SI: variants seen among roughly 807,000 people sequenced by gnomAD.
SI encodes the protein sucrase-isomaltase, intestinal.
In SI, 235 loss-of-function variants were observed where a neutral mutation model predicts 253.3. The observed-to-expected ratio is 0.93, with a 90% CI of 0.83 to 1.03. The LOEUF is 1.03. SI is among the 50% of genes least tolerant of loss of function. The probability of loss-of-function intolerance (pLI) is 0.00; values close to 1 mark genes in which losing one functional copy is unlikely to be tolerated. For missense variants in SI, 2,442 were observed against 2,211.1 expected (o/e 1.10, Z -2.09); for synonymous variants, 819 against 712.0 (o/e 1.15, Z -2.39).
Position 165,049,918 on chromosome 3 carries a change from A to T in SI, c.1513-43T>A, listed in dbSNP as rs751690744. ...GAAGAACAGCAGATTTTACATAATT[A>T]TAAATCCTATTAGCAGAAACTCTCT... On this transcript the variant is annotated intron_variant, in intron 13 of 47. Transcript: ENST00000264382. 6 of 1,194,786 alleles carry T rather than the reference A, an allele frequency of 5.0e-6. No homozygotes were observed. In the African/African-American group the frequency reaches 6.0e-5, roughly 12 times the overall value. 74.0% of individuals were successfully genotyped at this position (1,194,786 alleles called of 1,614,324 possible). A position where few individuals can be genotyped will look rare whatever the true frequency, so the allele number is the denominator to read the frequency against.
At chr3:165,054,480 C>T (rs1050832649) in intron 13 of SI, among the ~76,000 whole-genome samples, 2 of 151,980 alleles carry the variant, frequency 1.3e-5, no homozygotes, top group Non-Finnish European at 2.9e-5. Flanking sequence ...TCAAGCAATT[C>T]TTCTGCCTCA....
intron 37 of SI, among the ~76,000 whole-genome samples, chr3:165,000,621 C>T (rs1212154296): frequency 2.0e-5 from 3 of 151,256 alleles, no homozygotes; most frequent in Non-Finnish European, 4.4e-5. Flanking sequence ...ATAATTTTCT[C>T]TTAAGGGAAT....
At chr3:164,989,174 C>T (rs191378622) in intron 44 of SI, among the ~76,000 whole-genome samples, 110 of 150,154 alleles carry the variant, frequency 7.3e-4, no homozygotes, top group African/African-American at 2.6e-3. Flanking sequence ...GATGAAACTC[C>T]GTCTCTACTA....
chr3:165,062,336 C>G lies in SI; in HGVS notation c.1020+35G>C, dbSNP rs1714027206. ...TCATGTTAGATGAAATAAAAGTATG[C>G]AGAAAAAATTTTATAAAATAGACCT... On this transcript the variant is annotated intron_variant, in intron 9 of 47. Transcript: ENST00000264382. 6.7e-6 allele frequency: 7 copies of G among 1,042,888 alleles called. No homozygotes were observed. The East Asian group carries it at 1.7e-4, about 25-fold the overall frequency. The allele number at this position is 1,042,888 out of a possible 1,614,324, so 64.6% of individuals were successfully genotyped here.
intron 45 of SI, 85 bp from the exon 46 acceptor site, chr3:164,983,136 C>A: frequency 7.5e-7 from 1 of 1,326,158 alleles, no homozygotes; most frequent in Non-Finnish European, 1.0e-6. Flanking sequence ...CTTCTCTTTC[C>A]CAGTATAAAA....
chr3:165,015,285 C>T (rs1375137294), intron 32 of SI, 52 bp from the exon 33 acceptor site: 2 of 1,216,706 alleles, frequency 1.6e-6, no homozygotes, highest in African/African-American at 1.5e-5. Context: ...AGCGTAACTA[C>T]TTGGACAGTG....
intron 4 of SI, 70 bp from the exon 5 acceptor site, chr3:165,068,901 T>C (rs1484239510): frequency 9.0e-7 from 1 of 1,111,158 alleles, no homozygotes; most frequent in Non-Finnish European, 1.4e-6. Context: ...AATATATTTA[T>C]GTTATTGTAT....
chr3:165,031,633 G>A (rs1455198562), intron 24 of SI, among the ~76,000 whole-genome samples: 3 of 149,722 alleles, frequency 2.0e-5, no homozygotes, highest in African/African-American at 7.3e-5. Flanking sequence ...CTGGGCCAGA[G>A]GTCTTATGAG....
At chr3:165,009,765 G>A (rs1436501712) in intron 34 of SI, among the ~76,000 whole-genome samples, 1 of 152,128 alleles carries the variant, frequency 6.6e-6, no homozygotes. Flanking sequence ...AAGGGCCATA[G>A]TATAAAGCCT....
In SI at chr3:165,069,183, G is replaced by T. The variant is rs781497890; in HGVS notation, c.268C>A (p.Gln90Lys). The T allele has an allele frequency of 5.6e-6, 9 of 1,607,472 alleles. No individual in the cohort carries two copies. Among genetic ancestry groups the T allele is most frequent in the Non-Finnish European group, 7.7e-6 (9 of 1,174,202 alleles). Residue 90 changes from glutamine to lysine, a missense_variant, in exon 4 of 48, where the codon CAG (glutamine) becomes AAG (lysine). Physicochemically the swap from Gln to Lys is moderately conservative, Grantham distance 53. Transcript: ENST00000264382. ...CACGGCCTCCAGCAGCAGCCTCTCT[G>T]TGCACAAATTCCCTGATAAAATATT... ...EQFPTEGICAQRGCCWRPWND... is the reference protein window; with the variant it reads ...EQFPTEGICAKRGCCWRPWND...
chr3:164,985,190 A>T (rs1171661842), intron 45 of SI, among the ~76,000 whole-genome samples: 1 of 152,188 alleles, frequency 6.6e-6, no homozygotes, highest in Non-Finnish European at 1.5e-5. Flanking sequence ...GTTGGATAGG[A>T]GGAGCTGGAG....
chr3:165,011,703 TTTA>T (rs1222314464), intron 34 of SI, among the ~76,000 whole-genome samples: 1 of 149,894 alleles, frequency 6.7e-6, no homozygotes, highest in Non-Finnish European at 1.5e-5. Context: ...TTATTATTTA[TTTA>T]TTATTGTTCT....
chr3:165,047,015 A>G lies in SI; in HGVS notation c.1716-3T>C, dbSNP rs768911081. 6 of 1,585,270 alleles carry G rather than the reference A, an allele frequency of 3.8e-6. No individual in the cohort carries two copies. In the Middle Eastern group the frequency reaches 5.0e-4, roughly 133 times the overall value. On this transcript the variant is annotated splice_region_variant and splice_polypyrimidine_tract_variant and intron_variant, in intron 15 of 47. Transcript: ENST00000264382. ...TAGGAAAAACTTTTTGTACAGCTCT[A>G]AAAATAAAACCAAATTAACAAATAC...
At chr3:165,067,259 A>G in intron 6 of SI, 81 bp downstream of exon 6, 1 of 1,078,862 alleles carries the variant, frequency 9.3e-7, no homozygotes, top group Non-Finnish European at 1.3e-6. Context: ...ATTTATTTCT[A>G]CTGAAAATGT....
At chr3:164,991,303 G>C (rs752722497) in intron 44 of SI, 50 bp downstream of exon 44, 1 of 1,603,338 alleles carries the variant, frequency 6.2e-7, no homozygotes, top group Non-Finnish European at 8.5e-7. Context: ...AACAATGCTA[G>C]CATGATGTAT....
At chr3:165,068,943 A>G (rs2108100518) in intron 4 of SI, 112 bp from the exon 5 acceptor site, 6 of 979,692 alleles carry the variant, frequency 6.1e-6, no homozygotes, top group Non-Finnish European at 8.0e-6. Context: ...TAAATTTGTT[A>G]CAATCATGCA....
At chr3:165,017,733 T>A (rs745541149) in intron 30 of SI, 28 bp downstream of exon 30, 2 of 1,597,750 alleles carry the variant, frequency 1.3e-6, no homozygotes, top group Admixed American at 1.7e-5. Context: ...AAATTTTTAA[T>A]TTTTTTAAAA....
chr3:165,006,733 G>C lies in SI; in HGVS notation c.4406+83C>G. The C allele has an allele frequency of 4.2e-6, 5 of 1,198,012 alleles. No homozygotes were observed. The South Asian group carries it at 6.2e-5, about 15-fold the overall frequency. 74.2% of individuals were successfully genotyped at this position (1,198,012 alleles called of 1,614,324 possible). A position where few individuals can be genotyped will look rare whatever the true frequency, so the allele number is the denominator to read the frequency against. The stretch of plus-strand genomic sequence containing the variant: ...AAGTAAAGAGATACAAGAGAAGATT[G>C]TCGGGACTGTTAAAATGATAACATT... On this transcript the variant is annotated intron_variant, in intron 37 of 47. Transcript: ENST00000264382.
intron 5 of SI, among the ~76,000 whole-genome samples, chr3:165,068,316 A>G (rs957109201): frequency 1.3e-5 from 2 of 152,208 alleles, no homozygotes; most frequent in African/African-American, 4.8e-5. Context: ...GCACACTATT[A>G]TTATTCGTAT....
Sources: allele counts gnomAD v4.1 joint callset (sites outside exome capture counted in the v4.1 genomes callset), GRCh38; gene constraint gnomAD v4.1.1; transcripts MANE v1.5; gene names NCBI Gene and HGNC (gene_info 2026-07-23, HGNC 2026-07-21).